RBFOX3: variants seen among roughly 807,000 people sequenced by gnomAD.
The protein encoded by RBFOX3 is RNA binding protein fox-1 homolog 3.
Under a neutral mutation model 48.7 loss-of-function variants are expected in RBFOX3, and 17 were observed. The observed-to-expected ratio is 0.35, with a 90% CI of 0.24 to 0.52. The LOEUF (loss-of-function observed/expected upper bound fraction) is 0.52. Among genes scored for constraint, RBFOX3 ranks in the 20% least tolerant of loss-of-function variants. RBFOX3 has a pLI of 0.94. For missense variants in RBFOX3, 382 were observed against 497.5 expected (o/e 0.77, Z 2.21); for synonymous variants, 212 against 209.5 (o/e 1.01, Z -0.10).
At chr17:79,162,303 CAT>C (rs10568959) in intron 4 of RBFOX3, among the ~76,000 whole-genome samples, 20,871 of 152,194 alleles carry the variant, frequency 0.14, 1,471 homozygotes, top group East Asian at 0.25. Flanking sequence ...CCTGCACACA[CAT>C]GTTCTCATTC....
intron 2 of RBFOX3, among the ~76,000 whole-genome samples, chr17:79,453,047 G>A (rs996778647): frequency 2.2e-4 from 34 of 152,204 alleles, no homozygotes; most frequent in Non-Finnish European, 2.9e-5. Context: ...GTGATCGCAG[G>A]GCCTCCCTCA....
the RBFOX3 span, among the ~76,000 whole-genome samples, chr17:79,632,533 T>C: frequency 6.6e-6 from 1 of 152,072 alleles, no homozygotes; most frequent in Non-Finnish European, 1.5e-5. Context: ...CCCAGGGTCA[T>C]TGCTGGCCAA....
At chr17:79,484,383 G>A (rs2079212297) in intron 1 of RBFOX3, among the ~76,000 whole-genome samples, 1 of 152,164 alleles carries the variant, frequency 6.6e-6, no homozygotes, top group African/African-American at 2.4e-5. Flanking sequence ...CTGGGTGTGG[G>A]AGCCACTCTT....
At chr17:79,637,751 A>G in the RBFOX3 span, among the ~76,000 whole-genome samples, 70 of 53,258 alleles carry the variant, frequency 1.3e-3, no homozygotes, top group African/African-American at 5.7e-3. Context: ...GGGAGGGGAG[A>G]GGAGAGGAGG....
At chr17:79,631,162 C>G in the RBFOX3 span, among the ~76,000 whole-genome samples, 1 of 152,186 alleles carries the variant, frequency 6.6e-6, no homozygotes, top group African/African-American at 2.4e-5. Flanking sequence ...GGACTCGCAT[C>G]AGGACGTTGA....
At chr17:79,340,055 T>C (rs926966586) in intron 2 of RBFOX3, among the ~76,000 whole-genome samples, 4 of 152,120 alleles carry the variant, frequency 2.6e-5, no homozygotes, top group African/African-American at 9.7e-5. Context: ...TCCCAGCACT[T>C]TGGGAGGCCA....
chr17:79,631,302 C>T, the RBFOX3 span, among the ~76,000 whole-genome samples: 1 of 152,100 alleles, frequency 6.6e-6, no homozygotes, highest in Non-Finnish European at 1.5e-5. Flanking sequence ...TCTAAACACT[C>T]TATAGATGCC....
At chr17:79,534,072 G>A (rs1055603303) in intron 1 of RBFOX3, among the ~76,000 whole-genome samples, 4 of 152,292 alleles carry the variant, frequency 2.6e-5, no homozygotes, top group Middle Eastern at 6.8e-3. Context: ...AATACTAAAG[G>A]GACAGTTGAG....
At chr17:79,438,975 C>T (rs1447324805) in intron 2 of RBFOX3, among the ~76,000 whole-genome samples, 1 of 152,240 alleles carries the variant, frequency 6.6e-6, no homozygotes, top group Non-Finnish European at 1.5e-5. Flanking sequence ...TCTCCCTCCT[C>T]CCGAAACCAT....
intron 2 of RBFOX3, among the ~76,000 whole-genome samples, chr17:79,370,385 G>A (rs1269518174): frequency 6.6e-6 from 1 of 152,182 alleles, no homozygotes; most frequent in African/African-American, 2.4e-5. Flanking sequence ...CCTCAATGCT[G>A]TGGCCAAGGT....
chr17:79,095,515 G>T lies in RBFOX3; in HGVS notation c.996C>A (p.Asp332Glu). Reference sequence around the variant, plus strand: ...ACAGTGCTGGCCCCCGGCCTCACCTGTCGCTGTAGGCTGCCGCCGCTGCAG... The same window carrying T: ...ACAGTGCTGGCCCCCGGCCTCACCTTTCGCTGTAGGCTGCCGCCGCTGCAG... ...QPAAAAAAYSDSYGRVYAAAD... is the reference protein window; with the variant it reads ...QPAAAAAAYSESYGRVYAAAD... The change falls in exon 13 of 15, where the codon GAC becomes GAA. Residue 332 changes from aspartate to glutamate, a missense_variant and splice_region_variant. Transcript: ENST00000693108. The T allele has an allele frequency of 6.4e-7, 1 of 1,551,298 alleles. No homozygotes were observed. Among genetic ancestry groups the T allele is most frequent in the South Asian group, 1.2e-5 (1 of 84,008 alleles).
At chr17:79,542,068 T>C (rs373783465) in intron 1 of RBFOX3, among the ~76,000 whole-genome samples, 3 of 151,952 alleles carry the variant, frequency 2.0e-5, no homozygotes, top group African/African-American at 7.2e-5. Context: ...TTGTTTATCG[T>C]GCAACACTCC....
At chr17:79,403,376 G>A (rs2063068141) in intron 2 of RBFOX3, among the ~76,000 whole-genome samples, 1 of 152,238 alleles carries the variant, frequency 6.6e-6, no homozygotes, top group Admixed American at 6.5e-5. Flanking sequence ...TTAGAGACGG[G>A]CAGCTCCCAT....
chr17:79,223,658 C>T (rs9906838), intron 4 of RBFOX3, among the ~76,000 whole-genome samples: 4 of 152,236 alleles, frequency 2.6e-5, no homozygotes, highest in African/African-American at 9.6e-5. Context: ...GGTCAGAACG[C>T]CAGCAGCTAT....
At chr17:79,475,279 G>C (rs2077569700) in intron 2 of RBFOX3, among the ~76,000 whole-genome samples, 1 of 152,110 alleles carries the variant, frequency 6.6e-6, no homozygotes, top group Admixed American at 6.5e-5. Context: ...TACAGCTCCA[G>C]TCATTCTGGC....
At chr17:79,463,493 G>T (rs1555750973) in intron 2 of RBFOX3, among the ~76,000 whole-genome samples, 1 of 48,222 alleles carries the variant, frequency 2.1e-5, no homozygotes. Context: ...CATCGCCACT[G>T]CCACTGCCAT....
the RBFOX3 span, among the ~76,000 whole-genome samples, chr17:79,638,422 C>A: frequency 6.7e-6 from 1 of 149,928 alleles, no homozygotes; most frequent in African/African-American, 2.5e-5. Flanking sequence ...ATGAATGTCT[C>A]TGAAATAAAA....
chr17:79,517,444 CAAAAAA>C (rs1231600861), intron 1 of RBFOX3, among the ~76,000 whole-genome samples: 1 of 94,974 alleles, frequency 1.1e-5, no homozygotes, highest in Non-Finnish European at 2.1e-5. Flanking sequence ...GAGTCTGTCT[CAAAAAA>C]AAAAAAAAAA....
intron 10 of RBFOX3, 34 bp from the exon 11 acceptor site, chr17:79,097,458 G>A (rs2075554819): frequency 6.6e-7 from 1 of 1,512,482 alleles, no homozygotes. Context: ...ACGTGTGAGA[G>A]GCACAAGGGG....
Sources: gnomAD v4.1 joint callset for allele counts (sites outside exome capture counted in the v4.1 genomes callset) on GRCh38, gnomAD v4.1.1 for gene constraint, MANE v1.5 for transcripts, NCBI Gene and HGNC (gene_info 2026-07-23, HGNC 2026-07-21) for gene names.